The following FAT1 variants were observed in gnomAD, a reference collection of about 807,000 sequenced individuals.
FAT1 encodes the protein protocadherin Fat 1.
In FAT1, 171 loss-of-function variants were observed where a neutral mutation model predicts 329.8. The ratio of observed to expected loss-of-function variants is 0.52; its 90% CI spans 0.46 to 0.59. The LOEUF (loss-of-function observed/expected upper bound fraction) is 0.59, where lower values mean the gene tolerates loss of function less well. Ranked by LOEUF, FAT1 falls within the 20% of genes least tolerant of loss-of-function variation. FAT1 has a pLI of 0.00. For missense variants in FAT1, 5,672 were observed against 5,774.4 expected (o/e 0.98, Z 0.57); for synonymous variants, 2,233 against 2,228.6 (o/e 1.00, Z -0.06).
intron 2 of FAT1, among the ~76,000 whole-genome samples, chr4:186,697,330 G>A (rs943975298): frequency 2.0e-5 from 3 of 152,196 alleles, no homozygotes; most frequent in African/African-American, 4.8e-5. Context: ...CACAGCACGC[G>A]AAAGCGCAGC....
At chr4:186,675,782 AACACACACACAC>A (rs66981811) in intron 2 of FAT1, among the ~76,000 whole-genome samples, 1,817 of 143,188 alleles carry the variant, frequency 0.013, 31 homozygotes, top group African/African-American at 0.042. Flanking sequence ...CCCTGTCTAA[AACACACACACAC>A]ACACACACAC....
intron 2 of FAT1, among the ~76,000 whole-genome samples, chr4:186,699,284 C>A (rs1474274614): frequency 2.0e-5 from 3 of 151,800 alleles, no homozygotes; most frequent in South Asian, 2.1e-4. Context: ...AAACAAAAAA[C>A]CAATTGATTT....
rs147325619 is a variant in FAT1, at chr4:186,685,881, A to G, written c.3265+20682T>C. Among the ~76,000 whole-genome samples the G allele has an allele frequency of 1.9e-3, 293 of 152,310 alleles. 3 individuals are homozygous for G. The highest frequency in any genetic ancestry group is 6.8e-3 in the African/African-American group (283 of 41,568). The stretch of plus-strand genomic sequence containing the variant: ...TAAGCAGCCAGCAAGCTGTAAGCAC[A>G]CCGGTTGTGAGAATCTGTATAAGGA... On this transcript the variant is annotated intron_variant, in intron 2 of 26. Transcript: ENST00000441802.
rs1739551981 is a variant in FAT1 at position 186,613,321 on chromosome 4, G to A, written c.9251C>T (p.Pro3084Leu). Residue 3084 changes from proline to leucine, a missense_variant, in exon 13 of 27, where the codon CCC becomes CTC. By Grantham distance (98) the Pro-to-Leu change is moderately conservative. Transcript: ENST00000441802. ...AACAGCTTGCTCCTCACGATCAAGG[G>A]GGGTTGACGTTTTCAGTTCACCTAC... ...PDTGELKTSTPLDREEQAVYH... is the reference protein window; with the variant it reads ...PDTGELKTSTLLDREEQAVYH... 6.2e-7 allele frequency: 1 copy of A among 1,613,918 alleles called. No homozygotes were observed. Among genetic ancestry groups the A allele is most frequent in the Non-Finnish European group, 8.5e-7 (1 of 1,179,822 alleles).
chr4:186,627,060 T>C, intron 9 of FAT1, among the ~76,000 whole-genome samples: 1 of 103,140 alleles, frequency 9.7e-6, no homozygotes, highest in African/African-American at 4.9e-5. Flanking sequence ...ACCTGACACA[T>C]AAAGTGAGCT....
In FAT1 at chr4:186,708,634, C is replaced by G. The variant is rs1744773464; in HGVS notation, c.1194G>C (p.Leu398Phe). The G allele has an allele frequency of 1.2e-6, 2 of 1,613,904 alleles. No individual in the cohort carries two copies. Among genetic ancestry groups the G allele is most frequent in the African/African-American group, 2.7e-5 (2 of 75,004 alleles). Residue 398 changes from leucine to phenylalanine, a missense_variant, in exon 2 of 27, where the codon TTG (leucine) becomes TTC (phenylalanine). This residue lies in a region of FAT1 where 3,966 missense variants were observed against 3,915.2 expected (regional missense o/e 1.01). Transcript: ENST00000441802. The part of the protein sequence containing the change: ...MVKAIPAYSH[L>F]RYVFKSTPGK... ...CAGGTGTACTTTTAAAAACATACCT[C>G]AAATGGGAATAAGCAGGAATGGCCT... is the stretch of plus-strand genomic sequence containing the variant.
At chr4:186,628,440 A>C in intron 8 of FAT1, 48 bp downstream of exon 8, 1 of 1,611,542 alleles carries the variant, frequency 6.2e-7, no homozygotes, top group Non-Finnish European at 8.5e-7. Context: ...TCGAACACAC[A>C]AAGGCCTCAG....
At chr4:186,604,792 A>ATG (rs1553987144) in intron 17 of FAT1, among the ~76,000 whole-genome samples, 1 of 151,156 alleles carries the variant, frequency 6.6e-6, no homozygotes, top group Non-Finnish European at 1.5e-5. Context: ...AAGGAGGATG[A>ATG]AGGAAACATG....
At chr4:186,641,661 T>C (rs1741102709) in intron 3 of FAT1, among the ~76,000 whole-genome samples, 1 of 152,212 alleles carries the variant, frequency 6.6e-6, no homozygotes, top group Non-Finnish European at 1.5e-5. Flanking sequence ...ACGATTTACT[T>C]AGAGCACACA....
intron 1 of FAT1, among the ~76,000 whole-genome samples, chr4:186,721,988 A>G (rs767590503): frequency 1.3e-5 from 2 of 151,950 alleles, no homozygotes; most frequent in African/African-American, 2.4e-5. Context: ...ACAGGCATGC[A>G]CCACCACACT....
rs1739873077 is a variant in FAT1, at chr4:186,618,942, T to C, written c.7644A>G (p.Ile2548Met). 6.2e-7 allele frequency: 1 copy of C among 1,613,838 alleles called. No homozygotes were observed. ...DRFYINERGQ[I>M]FTLEKLDRET... Reference sequence around the variant, plus strand: ...CTCGATCAAGTTTTTCCAAAGTAAATATCTGTCCTCTCTCATTTATGTAAA... The same window carrying C: ...CTCGATCAAGTTTTTCCAAAGTAAACATCTGTCCTCTCTCATTTATGTAAA... The change falls in exon 10 of 27, where the codon ATA becomes ATG. Residue 2548 changes from isoleucine to methionine, a missense_variant. Ile to Met is a conservative substitution (Grantham distance 10). This residue lies in a region of FAT1 where 3,966 missense variants were observed against 3,915.2 expected (regional missense o/e 1.01). Coordinates refer to ENST00000441802, the MANE Select transcript of FAT1 (RefSeq NM_005245.4).
chr4:186,685,303 T>C (rs1193872058), intron 2 of FAT1, among the ~76,000 whole-genome samples: 6 of 152,342 alleles, frequency 3.9e-5, no homozygotes, highest in South Asian at 2.1e-4. Context: ...CAATAGCTGA[T>C]AGGATACGGA....
intron 3 of FAT1, among the ~76,000 whole-genome samples, chr4:186,641,899 C>G (rs1003485889): frequency 6.6e-5 from 10 of 151,794 alleles, no homozygotes; most frequent in African/African-American, 2.2e-4. Context: ...CCCAGCTACT[C>G]AGGAGGCTGA....
intron 2 of FAT1, among the ~76,000 whole-genome samples, chr4:186,674,369 T>C (rs1038129213): frequency 1.3e-5 from 2 of 152,218 alleles, no homozygotes; most frequent in Non-Finnish European, 2.9e-5. Flanking sequence ...TATCCAACTT[T>C]GGTAGCAGAG....
At position 186,672,248 on chromosome 4, in the gene FAT1, A is replaced by G. The variant is rs146108210; in HGVS notation, c.3266-8635T>C. Among the ~76,000 whole-genome samples, 11 of 152,326 alleles carry G rather than the reference A, an allele frequency of 7.2e-5. No homozygotes were observed. The East Asian group carries it at 2.1e-3, about 29-fold the overall frequency. ...TAATTGCTAGAGACCACTTCTATAA[A>G]TATTTTATGTTTTTGATAATAAAAG... On this transcript the variant is annotated intron_variant, in intron 2 of 26. Transcript: ENST00000441802.
At chr4:186,714,550 C>T (rs1017414717) in intron 1 of FAT1, among the ~76,000 whole-genome samples, 4 of 151,890 alleles carry the variant, frequency 2.6e-5, no homozygotes, top group African/African-American at 9.7e-5. Context: ...GTATTTAAAA[C>T]CACAGAACTG....
intron 8 of FAT1, 41 bp downstream of exon 8, chr4:186,628,447 T>C (rs1176738381): frequency 6.2e-7 from 1 of 1,612,588 alleles, no homozygotes; most frequent in East Asian, 2.2e-5. Flanking sequence ...CACAAAGGCC[T>C]CAGGACCAAA....
At chr4:186,683,275 C>T (rs162181) in intron 2 of FAT1, among the ~76,000 whole-genome samples, 118,995 of 151,680 alleles carry the variant, frequency 0.78, 47,439 homozygotes, top group Non-Finnish European at 0.83. Flanking sequence ...GTTCTTTTCT[C>T]CTCATCTCTG....
intron 7 of FAT1, among the ~76,000 whole-genome samples, chr4:186,631,995 T>G (rs1740622295): frequency 1.3e-5 from 2 of 151,688 alleles, no homozygotes; most frequent in South Asian, 2.1e-4. Flanking sequence ...CAACCTGGGC[T>G]ACTGTTCTCT....
Sources: gnomAD v4.1 joint callset for allele counts (sites outside exome capture counted in the v4.1 genomes callset) on GRCh38, gnomAD v4.1.1 for gene constraint, gnomAD v4.1.1 regional missense constraint, MANE v1.5 for transcripts, NCBI Gene and HGNC (gene_info 2026-07-23, HGNC 2026-07-21) for gene names.